Variants in RDX observed in about 807,000 individuals in gnomAD.
The protein encoded by RDX is radixin, also known as deafness, autosomal recessive 24.
Under a neutral mutation model 83.7 loss-of-function variants are expected in RDX, and 32 were observed. The observed-to-expected ratio is 0.38, with a 90% confidence interval of 0.29 to 0.51. The LOEUF (loss-of-function observed/expected upper bound fraction) is 0.51, where lower values mean the gene tolerates loss of function less well. Ranked by LOEUF, RDX falls within the 20% of genes least tolerant of loss-of-function variation. The probability of loss-of-function intolerance (pLI) is 0.87; values close to 1 mark genes in which losing one functional copy is unlikely to be tolerated. For missense variants in RDX, 600 were observed against 689.9 expected (o/e 0.87, Z 1.46); for synonymous variants, 229 against 222.7 (o/e 1.03, Z -0.25).
chr11:110,288,486 C>G (rs1241502183), intron 1 of RDX: 1 of 152,192 alleles, frequency 6.6e-6, no homozygotes, highest in Non-Finnish European at 1.5e-5. Context: ...AAAACAGGTT[C>G]ATGCAAGTCA....
At chr11:110,274,923 T>C (rs1393727498) in intron 2 of RDX, among the ~76,000 whole-genome samples, 5 of 152,238 alleles carry the variant, frequency 3.3e-5, no homozygotes, top group Admixed American at 3.3e-4. Context: ...CTCCAGAATA[T>C]ACTCAGAATT....
At chr11:110,264,689 T>A (rs544251406) in intron 4 of RDX, 90 bp downstream of exon 4, 1 of 889,598 alleles carries the variant, frequency 1.1e-6, no homozygotes, top group East Asian at 2.7e-5. Flanking sequence ...AAAAGGAAGC[T>A]TGCAATCAGT....
chr11:110,281,316 C>T (rs1860751046), intron 1 of RDX, among the ~76,000 whole-genome samples: 1 of 151,930 alleles, frequency 6.6e-6, no homozygotes, highest in Non-Finnish European at 1.5e-5. Context: ...GAAATTTCCT[C>T]CTGAGATTTT....
At chr11:110,250,007 C>G (rs1859260987) in intron 9 of RDX, among the ~76,000 whole-genome samples, 1 of 152,162 alleles carries the variant, frequency 6.6e-6, no homozygotes, top group African/African-American at 2.4e-5. Flanking sequence ...TATTCCTAAC[C>G]CCAGTATTTG....
chr11:110,242,443 TA>T (rs530767265), intron 10 of RDX, among the ~76,000 whole-genome samples: 135 of 115,178 alleles, frequency 1.2e-3, no homozygotes, highest in Middle Eastern at 4.4e-3. Flanking sequence ...TCAAAAAATT[TA>T]AAAAAAAAAA....
intron 2 of RDX, among the ~76,000 whole-genome samples, chr11:110,275,935 C>A (rs1374649972): frequency 6.6e-6 from 1 of 151,926 alleles, no homozygotes; most frequent in Non-Finnish European, 1.5e-5. Flanking sequence ...CAGGCATGCA[C>A]CACCATGCCT....
At chr11:110,215,045 A>ATATATATATATATATATATATAT in intron 14 of RDX, among the ~76,000 whole-genome samples, 1 of 91,770 alleles carries the variant, frequency 1.1e-5, no homozygotes, top group African/African-American at 3.9e-5. Context: ...ACAAAAAAAA[A>ATATATATATATATATATATATAT]AAAAATATAT....
intron 15 of RDX, among the ~76,000 whole-genome samples, chr11:110,190,083 C>CAA (rs200334447): frequency 1.3e-5 from 2 of 149,058 alleles, no homozygotes; most frequent in Non-Finnish European, 3.0e-5. Context: ...AACTCCATCT[C>CAA]AAAAAAAAAA....
At chr11:110,247,020 C>G (rs1591147944) in intron 10 of RDX, among the ~76,000 whole-genome samples, 1 of 152,090 alleles carries the variant, frequency 6.6e-6, no homozygotes, top group African/African-American at 2.4e-5. Context: ...TTTATTGATG[C>G]AATACTTTTT....
intron 1 of RDX, among the ~76,000 whole-genome samples, chr11:110,293,045 G>A (rs1861307894): frequency 6.6e-6 from 1 of 152,104 alleles, no homozygotes; most frequent in Admixed American, 6.5e-5. Context: ...ATTAGCGTAG[G>A]GAATTCTATT....
intron 14 of RDX, among the ~76,000 whole-genome samples, chr11:110,219,863 T>A (rs1320943377): frequency 6.6e-6 from 1 of 152,150 alleles, no homozygotes; most frequent in African/African-American, 2.4e-5. Context: ...GGTTAGAGAT[T>A]TAAGTTTTTC....
At chr11:110,224,898 A>G (rs1041304627), downstream of RDX, among the ~76,000 whole-genome samples, 10 of 152,150 alleles carry the variant, frequency 6.6e-5, no homozygotes, top group Non-Finnish European at 1.2e-4. Context: ...ACATCACAAC[A>G]TGAGTTTTCT....
At position 110,258,230 on chromosome 11, in the gene RDX, A is replaced by G. The variant is rs370831164; in HGVS notation, c.468-41T>C. The G allele has an allele frequency of 7.6e-6, 10 of 1,310,070 alleles. No individual in the cohort carries two copies. In the South Asian group the frequency reaches 1.3e-4, roughly 17 times the overall value. The allele number at this position is 1,310,070 out of a possible 1,614,324, so 81.2% of individuals were successfully genotyped here. A position where few individuals can be genotyped will look rare whatever the true frequency, so the allele number is the denominator to read the frequency against. ...AAAAAAAAAAATTATAATGACTTTA[A>G]GATTCAAAAGCATACACTTTAAAAG... is the stretch of plus-strand genomic sequence containing the variant. On this transcript the variant is annotated intron_variant, in intron 5 of 13. Transcript: ENST00000645495.
At chr11:110,260,004 T>C (rs1859735993) in intron 5 of RDX, among the ~76,000 whole-genome samples, 1 of 151,922 alleles carries the variant, frequency 6.6e-6, no homozygotes, top group South Asian at 2.1e-4. Flanking sequence ...TTTTTTTCTT[T>C]AGACAGAGTT....
intron 10 of RDX, among the ~76,000 whole-genome samples, chr11:110,245,711 T>A (rs979214470): frequency 6.6e-6 from 1 of 152,210 alleles, no homozygotes; most frequent in Admixed American, 6.5e-5. Context: ...AATTGTATTA[T>A]TTAATATATT....
chr11:110,185,721 G>A (rs143088775), intron 15 of RDX: 35 of 152,386 alleles, frequency 2.3e-4, no homozygotes, highest in African/African-American at 7.9e-4. Context: ...GCTTATGCCT[G>A]TGGCGACTGG....
chr11:110,216,236 A>G (rs1864046359), intron 14 of RDX, among the ~76,000 whole-genome samples: 3 of 152,112 alleles, frequency 2.0e-5, no homozygotes, highest in African/African-American at 7.2e-5. Flanking sequence ...TCCATGAACA[A>G]GTGAAGCTCT....
intron 10 of RDX, among the ~76,000 whole-genome samples, chr11:110,239,797 C>T (rs1199374712): frequency 1.3e-5 from 2 of 149,488 alleles, no homozygotes; most frequent in Non-Finnish European, 3.0e-5. Flanking sequence ...CACTTGAACC[C>T]GGGAGGTGGA....
Position 110,215,050 on chromosome 11 carries a change from ATATAT to A in RDX, c.1749-15377_1749-15373del, listed in dbSNP as rs1204615387. On this transcript the variant is annotated intron_variant, in intron 14 of 15. Transcript: ENST00000528498. ...AGGAGACCTAACAAAAAAAAAAAAA[ATATAT>A]ATATATATATATATAATGCTTTCGG... 1.8e-3 allele frequency among the ~76,000 whole-genome samples: 125 copies of A among 68,236 alleles called. 1 individual carries two copies. Among genetic ancestry groups the A allele is most frequent in the South Asian group, 0.017 (37 of 2,164 alleles). The allele number at this position is 68,236 out of a possible 152,430, so 44.8% of individuals were successfully genotyped here. A position where few individuals can be genotyped will look rare whatever the true frequency, so the allele number is the denominator to read the frequency against.
Sources: gnomAD v4.1 joint callset for allele counts (sites outside exome capture counted in the v4.1 genomes callset) on GRCh38, gnomAD v4.1.1 for gene constraint, MANE v1.5 for transcripts, NCBI Gene and HGNC (gene_info 2026-07-23, HGNC 2026-07-21) for gene names.